BCAS3: variants seen among roughly 807,000 people sequenced by gnomAD.
The protein encoded by BCAS3 is BCAS4/BCAS3 fusion.
BCAS3 carries 53 observed loss-of-function variants against 116.1 expected under a neutral mutation model. That is an observed-to-expected ratio of 0.46 (90% confidence interval 0.37 to 0.57). BCAS3 has a LOEUF of 0.57. Ranked by LOEUF, BCAS3 falls within the 20% of genes least tolerant of loss-of-function variation. The pLI, the probability that BCAS3 is intolerant of heterozygous loss-of-function variation, is 0.00. For synonymous variants in BCAS3, 391 were observed against 408.2 expected, an observed-to-expected ratio of 0.96 and a Z score of 0.51; for missense variants, 917 against 1,165.4, an observed-to-expected ratio of 0.79 and a Z score of 3.10.
At position 61,005,291 on chromosome 17, in the gene BCAS3, C is replaced by CT. The variant is rs1040155545; in HGVS notation, c.1487-10451dup. On this transcript the variant is annotated intron_variant, in intron 15 of 23. Transcript: ENST00000407086. ...TGCTTAGTTTGATTTTTTTCTTTTT[C>CT]TTTTTTTTTGGTAAACTGTTCCACA... 2.3e-4 allele frequency among the ~76,000 whole-genome samples: 34 copies of CT among 150,634 alleles called. No individual in the cohort carries two copies. In the South Asian group the frequency reaches 2.7e-3, roughly 12 times the overall value.
intron 8 of BCAS3, among the ~76,000 whole-genome samples, chr17:60,871,176 A>C (rs910460995): frequency 2.0e-5 from 3 of 151,656 alleles, no homozygotes; most frequent in African/African-American, 7.3e-5. Context: ...CTTTTTTGGG[A>C]GTTGGGAGGA....
At chr17:60,913,315 GAAATTTT>G (rs2058614276) in intron 12 of BCAS3, among the ~76,000 whole-genome samples, 1 of 152,016 alleles carries the variant, frequency 6.6e-6, no homozygotes, top group African/African-American at 2.4e-5. Flanking sequence ...GACATATTCT[GAAATTTT>G]AACTTGATTA....
At chr17:61,006,116 A>G (rs2064686353) in intron 15 of BCAS3, among the ~76,000 whole-genome samples, 1 of 152,108 alleles carries the variant, frequency 6.6e-6, no homozygotes, top group East Asian at 1.9e-4. Flanking sequence ...GTCCCTACAA[A>G]GGACATGAAC....
rs1386376888 is a variant in BCAS3 at position 61,140,746 on chromosome 17, A to G, written c.2425+56182A>G. Among the ~76,000 whole-genome samples the G allele has an allele frequency of 6.6e-6, 1 of 152,132 alleles. No homozygotes were observed. The highest frequency in any genetic ancestry group is 1.9e-4 in the East Asian group (1 of 5,194). Reference sequence around the variant, plus strand: ...TAAGTTAATAAATATATATTTACATAGTTTATAGTTGTTACATAAAACTTT... The same window carrying G: ...TAAGTTAATAAATATATATTTACATGGTTTATAGTTGTTACATAAAACTTT... On this transcript the variant is annotated intron_variant, in intron 22 of 23. Coordinates refer to ENST00000407086, the MANE Select transcript of BCAS3 (RefSeq NM_017679.5). This position sits in a 1 kb window ranked among gnomAD's most constrained non-coding sequence, Gnocchi z 4.2.
In BCAS3 at chr17:61,377,291, C is replaced by G. The variant is rs767998678; in HGVS notation, c.2593+8797C>G. Among the ~76,000 whole-genome samples the G allele has an allele frequency of 6.6e-6, 1 of 152,206 alleles. No individual in the cohort carries two copies. The highest frequency in any genetic ancestry group is 1.5e-5 in the Non-Finnish European group (1 of 68,034). On this transcript the variant is annotated intron_variant, in intron 23 of 23. Coordinates refer to ENST00000407086, the MANE Select transcript of BCAS3 (RefSeq NM_017679.5). This position sits in a 1 kb window ranked among gnomAD's most constrained non-coding sequence, Gnocchi z 4.6. ...CCAGCAGGTCACAAGCATCCCTACT[C>G]GGGACAAGAGGGAGCAGCTGCGCCA...
intron 22 of BCAS3, among the ~76,000 whole-genome samples, chr17:61,299,032 A>G (rs574932577): frequency 1.3e-5 from 2 of 150,292 alleles, no homozygotes; most frequent in South Asian, 4.2e-4. Context: ...CATGGTGGCC[A>G]GGTTGGTCTC....
intron 13 of BCAS3, among the ~76,000 whole-genome samples, chr17:60,936,718 C>T (rs1395891268): frequency 6.6e-6 from 1 of 151,946 alleles, no homozygotes; most frequent in East Asian, 1.9e-4. Flanking sequence ...TTGTTTTTTT[C>T]TTTTAAATTT....
intron 5 of BCAS3, among the ~76,000 whole-genome samples, chr17:60,714,537 C>T (rs2038330975): frequency 6.6e-6 from 1 of 152,086 alleles, no homozygotes; most frequent in African/African-American, 2.4e-5. Context: ...CCTGTAATCC[C>T]AGCTACTTTG....
chr17:61,383,691 C>T (rs1011411023), intron 23 of BCAS3: 1 of 152,252 alleles, frequency 6.6e-6, no homozygotes, highest in Non-Finnish European at 1.5e-5. Context: ...GGGAGGAACG[C>T]GCGTCTGCCT....
intron 7 of BCAS3, among the ~76,000 whole-genome samples, chr17:60,848,103 A>T (rs1471452779): frequency 6.6e-6 from 1 of 152,238 alleles, no homozygotes; most frequent in Non-Finnish European, 1.5e-5. Context: ...AGCTTTTTCA[A>T]AAGTTAATTC....
chr17:61,109,283 TTGTGTGTGTG>T (rs113547904), intron 22 of BCAS3, among the ~76,000 whole-genome samples: 8 of 145,348 alleles, frequency 5.5e-5, no homozygotes, highest in Admixed American at 2.8e-4. Context: ...AGTATTCCAT[TTGTGTGTGTG>T]TGTGTGTGTG....
At chr17:61,329,467 A>G (rs1301491575) in intron 22 of BCAS3, among the ~76,000 whole-genome samples, 1 of 151,162 alleles carries the variant, frequency 6.6e-6, no homozygotes, top group African/African-American at 2.4e-5. Context: ...CAGCCCCCCA[A>G]GTAACTGGGA....
chr17:60,810,975 C>A, intron 7 of BCAS3: 1 of 670,696 alleles, frequency 1.5e-6, no homozygotes, highest in Admixed American at 1.8e-5. Context: ...TGGACAAGTA[C>A]TAGTCTCAGC....
Position 61,140,359 on chromosome 17 carries a change from A to G in BCAS3, c.2425+55795A>G, listed in dbSNP as rs1307567944. ...GATAGCTGTGGAAGATCCAACTGTC[A>G]AGGAAGGTTAGGACCAGACTCTGAA... is the stretch of plus-strand genomic sequence containing the variant. On this transcript the variant is annotated intron_variant, in intron 22 of 23. Transcript: ENST00000407086. This position sits in a 1 kb window ranked among gnomAD's most constrained non-coding sequence, Gnocchi z 4.2. 1.3e-5 allele frequency among the ~76,000 whole-genome samples: 2 copies of G among 152,224 alleles called. No homozygotes were observed. The highest frequency in any genetic ancestry group is 6.5e-5 in the Admixed American group (1 of 15,284).
At chr17:60,846,643 T>A (rs1335823712) in intron 7 of BCAS3, among the ~76,000 whole-genome samples, 1 of 152,134 alleles carries the variant, frequency 6.6e-6, no homozygotes. Flanking sequence ...ACATTTAGGG[T>A]TGCTTTGTCT....
At chr17:61,090,806 T>C (rs1359796868) in intron 22 of BCAS3, among the ~76,000 whole-genome samples, 1 of 152,116 alleles carries the variant, frequency 6.6e-6, no homozygotes, top group African/African-American at 2.4e-5. Context: ...TACAGGCATG[T>C]GCCACCATGC....
chr17:60,946,105 G>A (rs1178803925), intron 13 of BCAS3, among the ~76,000 whole-genome samples: 3 of 152,248 alleles, frequency 2.0e-5, no homozygotes, highest in Non-Finnish European at 4.4e-5. Flanking sequence ...GGGAGACAGC[G>A]AGACTCCATC....
chr17:60,695,632 T>C (rs1598105339), intron 4 of BCAS3, among the ~76,000 whole-genome samples: 1 of 152,318 alleles, frequency 6.6e-6, no homozygotes, highest in East Asian at 1.9e-4. Context: ...CAAGTCTTGC[T>C]GTGTCATTCA....
At chr17:60,681,553 T>C (rs531815793) in intron 2 of BCAS3, among the ~76,000 whole-genome samples, 5 of 149,508 alleles carry the variant, frequency 3.3e-5, no homozygotes, top group Non-Finnish European at 7.4e-5. Context: ...ATATTATTCT[T>C]TTTTTTTTCT....
Sources: allele counts gnomAD v4.1 joint callset (sites outside exome capture counted in the v4.1 genomes callset), GRCh38; gene constraint gnomAD v4.1.1; non-coding constraint Gnocchi (gnomAD v3.1); transcripts MANE v1.5; gene names NCBI Gene and HGNC (gene_info 2026-07-23, HGNC 2026-07-21).